SLC48A1: variants seen among roughly 807,000 people sequenced by gnomAD.
SLC48A1 encodes solute carrier family 48 member 1, also known as heme transporter HRG1.
A neutral mutation model predicts 14.8 loss-of-function variants in SLC48A1; 6 were observed. The ratio of observed to expected loss-of-function variants is 0.41; its 90% CI spans 0.22 to 0.80. The LOEUF is 0.80. SLC48A1 is among the 30% of genes least tolerant of loss of function. The pLI is 0.34. For missense variants in SLC48A1, 165 were observed against 204.8 expected, an observed-to-expected ratio of 0.81 and a Z score of 1.19; for synonymous variants, 89 against 90.0, an observed-to-expected ratio of 0.99 and a Z score of 0.06.
At chr12:47,767,199 G>A (rs1942534912), upstream of SLC48A1, among the ~76,000 whole-genome samples, 1 of 151,966 alleles carries the variant, frequency 6.6e-6, no homozygotes. Context: ...TGGGGTGGGG[G>A]GGTGGAGGGG....
At chr12:47,759,985 G>A (rs200738113) in intron 1 of SLC48A1, among the ~76,000 whole-genome samples, 1 of 151,644 alleles carries the variant, frequency 6.6e-6, no homozygotes, top group African/African-American at 2.4e-5. Context: ...GTAGCTCTAA[G>A]AAGCCTATAC....
Position 47,780,562 on chromosome 12 carries a change from T to G in SLC48A1, c.*281T>G. On this transcript the variant is annotated 3_prime_UTR_variant, in exon 3 of 3. Transcript: ENST00000442218. The stretch of plus-strand genomic sequence containing the variant: ...GAATCTGTTTTCTTTTCTTTCTTTT[T>G]TTTTTCTTTTTTTTTTTTTTTTGAG... 1.7e-6 allele frequency: 1 copy of G among 593,014 alleles called. No homozygotes were observed. The highest frequency in any genetic ancestry group is 1.5e-5 in the South Asian group (1 of 65,160). The allele number at this position is 593,014 out of a possible 1,614,324, so 36.7% of individuals were successfully genotyped here.
At chr12:47,770,717 G>A (rs537361379), upstream of SLC48A1, 2 of 427,350 alleles carry the variant, frequency 4.7e-6, no homozygotes, top group African/African-American at 4.1e-5. Flanking sequence ...ACAGAATTGT[G>A]AGTTTTCTCC....
chr12:47,765,076 C>CAAAA (rs750174911), intron 2 of SLC48A1, among the ~76,000 whole-genome samples: 13 of 38,192 alleles, frequency 3.4e-4, no homozygotes, highest in Non-Finnish European at 4.6e-4. Context: ...GACTCTGTCT[C>CAAAA]AAAAAAAAAA....
At chr12:47,768,820 C>CGGGTAAT (rs1942570116), upstream of SLC48A1, 1 of 152,074 alleles carries the variant, frequency 6.6e-6, no homozygotes, top group African/African-American at 2.4e-5. Context: ...ATGGTTTAGA[C>CGGGTAAT]GGGTAATCTA....
chr12:47,779,342 G>A lies in SLC48A1; in HGVS notation c.304+147G>A, dbSNP rs1292745197. On this transcript the variant is annotated intron_variant, in intron 2 of 2. Transcript: ENST00000442218. ...GGACACGGGTTTTGTTATGGTTCAT[G>A]TGGAGAAAACAAGTCCCCACCTCGC... is the stretch of plus-strand genomic sequence containing the variant. 5 of 1,235,336 alleles carry A rather than the reference G, an allele frequency of 4.0e-6. No homozygotes were observed. In the Admixed American group the frequency reaches 1.1e-4, roughly 28 times the overall value. The allele number at this position is 1,235,336 out of a possible 1,614,324, so 76.5% of individuals were successfully genotyped here.
chr12:47,760,169 C>T, intron 1 of SLC48A1: 1 of 979,626 alleles, frequency 1.0e-6, no homozygotes, highest in Non-Finnish European at 1.2e-6. Context: ...CATATTCAAT[C>T]CTATTGGCAT....
upstream of SLC48A1, among the ~76,000 whole-genome samples, chr12:47,767,488 C>T (rs571719223): frequency 4.6e-5 from 7 of 152,274 alleles, no homozygotes; most frequent in South Asian, 1.5e-3. Context: ...TCATAGTTTG[C>T]CCTATATTGA....
chr12:47,762,988 A>G (rs766192589), intron 2 of SLC48A1, among the ~76,000 whole-genome samples: 3 of 152,192 alleles, frequency 2.0e-5, no homozygotes, highest in African/African-American at 7.2e-5. Flanking sequence ...ATTATCTTTT[A>G]TCTCCCTAAT....
In SLC48A1 at chr12:47,781,028, G is replaced by A. The variant is rs1318262432; in HGVS notation, c.*747G>A. The A allele has an allele frequency of 2.3e-6, 1 of 438,468 alleles. No individual in the cohort carries two copies. The highest frequency in any genetic ancestry group is 1.7e-5 in the South Asian group (1 of 58,792). 27.2% of individuals were successfully genotyped at this position (438,468 alleles called of 1,614,324 possible). On this transcript the variant is annotated 3_prime_UTR_variant, in exon 3 of 3. Transcript: ENST00000442218. ...CACTCTCTTCCCAAGGCCAGGTTGG[G>A]CACCTGGGGAGGTCAGTTCAGAAAT...
chr12:47,758,487 A>C (rs1186999069), upstream of SLC48A1: 6 of 1,589,584 alleles, frequency 3.8e-6, no homozygotes, highest in Non-Finnish European at 5.2e-6. Context: ...CAAACTCCCC[A>C]CCGTGTCAGC....
At chr12:47,778,821 G>A (rs1942803800) in intron 1 of SLC48A1, 1 of 469,296 alleles carries the variant, frequency 2.1e-6, no homozygotes, top group Non-Finnish European at 3.7e-6. Flanking sequence ...ATTTCTGCAG[G>A]TTTCTCTAAT....
chr12:47,756,966 TAAAA>T (rs112318307), upstream of SLC48A1, among the ~76,000 whole-genome samples: 8 of 136,732 alleles, frequency 5.9e-5, no homozygotes, highest in Admixed American at 5.9e-4. Context: ...AGACTCTGGT[TAAAA>T]AAAAAAAAAA....
intron 1 of SLC48A1, chr12:47,759,168 C>A: frequency 7.7e-6 from 7 of 911,666 alleles, no homozygotes; most frequent in Non-Finnish European, 9.2e-6. Flanking sequence ...CTGCACTGGC[C>A]GCCACGTGGC....
At chr12:47,761,314 C>T (rs1038191849) in intron 2 of SLC48A1, among the ~76,000 whole-genome samples, 4 of 152,190 alleles carry the variant, frequency 2.6e-5, no homozygotes, top group African/African-American at 7.2e-5. Flanking sequence ...CAACCCACTC[C>T]CCCACCTATG....
At position 47,781,052 on chromosome 12, in the gene SLC48A1, A is replaced by G; in HGVS notation, c.*771A>G. 1 of 389,086 alleles carries G rather than the reference A, an allele frequency of 2.6e-6. No individual in the cohort carries two copies. Among genetic ancestry groups the G allele is most frequent in the Non-Finnish European group, 5.1e-6 (1 of 195,678 alleles). 24.1% of individuals were successfully genotyped at this position (389,086 alleles called of 1,614,324 possible). Reference sequence around the variant, plus strand: ...GGCACCTGGGGAGGTCAGTTCAGAAATATCTAGCAGAGACCTCTTAAACCC... The same window carrying G: ...GGCACCTGGGGAGGTCAGTTCAGAAGTATCTAGCAGAGACCTCTTAAACCC... On this transcript the variant is annotated 3_prime_UTR_variant, in exon 3 of 3. Transcript: ENST00000442218.
chr12:47,771,170 T>C (rs752175555), upstream of SLC48A1: 3 of 284,882 alleles, frequency 1.1e-5, no homozygotes, highest in Non-Finnish European at 2.1e-5. Flanking sequence ...CAGATTATTC[T>C]AGAGTGAGGC....
At chr12:47,775,791 CAG>C (rs1257970826) in intron 1 of SLC48A1, among the ~76,000 whole-genome samples, 2 of 152,268 alleles carry the variant, frequency 1.3e-5, no homozygotes, top group South Asian at 2.1e-4. Context: ...GTCTGGTGGG[CAG>C]AGTGTTCACG....
Position 47,773,331 on chromosome 12 carries a change from C to A in SLC48A1, c.27C>A (p.Gly9=). The stretch of plus-strand genomic sequence containing the variant: ...TGGCCCCGTCCAGGCTGCAGCTCGG[C>A]CTCCGCGCCGCCTACTCCGGCATCA... The part of the protein sequence containing the change: MAPSRLQL[G]LRAAYSGISS... Residue 9 remains glycine (G), a synonymous_variant, in exon 1 of 3, where the codon GGC becomes GGA. Coordinates refer to ENST00000442218, the MANE Select transcript of SLC48A1 (RefSeq NM_017842.3). The A allele has an allele frequency of 6.8e-7, 1 of 1,472,010 alleles. No individual in the cohort carries two copies. The highest frequency in any genetic ancestry group is 9.0e-7 in the Non-Finnish European group (1 of 1,110,890). The allele number at this position is 1,472,010 out of a possible 1,614,324, so 91.2% of individuals were successfully genotyped here.
Sources: allele counts gnomAD v4.1 joint callset (sites outside exome capture counted in the v4.1 genomes callset), GRCh38; gene constraint gnomAD v4.1.1; transcripts MANE v1.5; gene names NCBI Gene and HGNC (gene_info 2026-07-23, HGNC 2026-07-21).